THBS2: variants seen among roughly 807,000 people sequenced by gnomAD.
The protein encoded by THBS2 is thrombospondin 2.
A neutral mutation model predicts 135.2 loss-of-function variants in THBS2; 47 were observed. The observed-to-expected ratio is 0.35, with a 90% confidence interval of 0.28 to 0.44. The LOEUF is 0.44. Ranked by LOEUF, THBS2 falls within the 20% of genes least tolerant of loss-of-function variation. The pLI, the probability that THBS2 is intolerant of heterozygous loss-of-function variation, is 1.00. For missense variants in THBS2, 1,288 were observed against 1,603.1 expected, an observed-to-expected ratio of 0.80 and a Z score of 3.36; for synonymous variants, 639 against 633.8, an observed-to-expected ratio of 1.01 and a Z score of -0.12.
chr6:169,223,557 G>A (rs984707988), intron 17 of THBS2, 82 bp from the exon 18 acceptor site: 17 of 1,205,428 alleles, frequency 1.4e-5, no homozygotes, highest in Non-Finnish European at 1.7e-5. Context: ...TTGCTTTTCC[G>A]TGTCTGAGAA....
At chr6:169,235,192 AAG>A (rs1779991109) in intron 9 of THBS2, among the ~76,000 whole-genome samples, 1 of 152,062 alleles carries the variant, frequency 6.6e-6, no homozygotes. Context: ...TTTTTAATAA[AAG>A]AATTTTTTTA....
At chr6:169,222,676 T>C (rs548081224) in intron 18 of THBS2, among the ~76,000 whole-genome samples, 1 of 151,744 alleles carries the variant, frequency 6.6e-6, no homozygotes, top group South Asian at 2.1e-4. Flanking sequence ...GTACCTGTAA[T>C]CCCAGCTACT....
At chr6:169,250,645 C>T in intron 2 of THBS2, 88 bp downstream of exon 2, 2 of 1,268,134 alleles carry the variant, frequency 1.6e-6, no homozygotes, top group South Asian at 2.9e-5. Context: ...GATTGTCCAA[C>T]CACACACTTT....
At chr6:169,244,596 G>A (rs535751493) in intron 4 of THBS2, among the ~76,000 whole-genome samples, 20 of 104,682 alleles carry the variant, frequency 1.9e-4, no homozygotes, top group East Asian at 1.7e-3. Context: ...AAATACACAC[G>A]CACGCACACA....
intron 21 of THBS2, among the ~76,000 whole-genome samples, chr6:169,218,670 C>T (rs568242009): frequency 8.1e-4 from 53 of 65,158 alleles, no homozygotes; most frequent in African/African-American, 3.1e-3. Context: ...GATGGATGGG[C>T]GGATGAGTAG....
At chr6:169,237,490 C>A in intron 8 of THBS2, 135 bp downstream of exon 8, 1 of 1,499,230 alleles carries the variant, frequency 6.7e-7, no homozygotes, top group East Asian at 2.3e-5. Context: ...GGAGAAAGAG[C>A]CTCACCTGGC....
intron 3 of THBS2, among the ~76,000 whole-genome samples, chr6:169,247,736 A>C (rs1780601385): frequency 6.6e-6 from 1 of 151,882 alleles, no homozygotes; most frequent in African/African-American, 2.4e-5. Flanking sequence ...ATGTGCATGC[A>C]TGAGTGTGTT....
chr6:169,252,642 C>G lies in THBS2; in HGVS notation c.-23+1082G>C, dbSNP rs1780793654. Among the ~76,000 whole-genome samples, 1 of 152,162 alleles carries G rather than the reference C, an allele frequency of 6.6e-6. No homozygotes were observed. Among genetic ancestry groups the G allele is most frequent in the Non-Finnish European group, 1.5e-5 (1 of 68,030 alleles). ...GTCAAAGGACAGTGAGGCTCCATCC[C>G]ACAGGAAGGATGAGCAGCCAGGCTA... On this transcript the variant is annotated intron_variant, in intron 1 of 21. Coordinates refer to ENST00000617924, the MANE Select transcript of THBS2 (RefSeq NM_003247.5). This position sits in a 1 kb window ranked among gnomAD's most constrained non-coding sequence, Gnocchi z 4.3.
rs1435996265 is a variant in THBS2 at position 169,248,948 on chromosome 6, G to A, written c.78C>T (p.Thr26=). The change falls in exon 3 of 22, where the codon ACC becomes ACT. Residue 26 remains threonine (T), a synonymous_variant. Coordinates refer to ENST00000617924, the MANE Select transcript of THBS2 (RefSeq NM_003247.5). Reference sequence around the variant, plus strand: ...TGTTGCTGATACTGAAAAGGTCGAAGGTCGTGTCTTTGTCCTGGTGACCAG... The same window carrying A: ...TGTTGCTGATACTGAAAAGGTCGAAAGTCGTGTCTTTGTCCTGGTGACCAG... ...TQAGHQDKDT[T]FDLFSISNIN... is the part of the protein sequence containing the mutation. 2 of 1,609,574 alleles carry A rather than the reference G, an allele frequency of 1.2e-6. No homozygotes were observed. The highest frequency in any genetic ancestry group is 2.7e-5 in the African/African-American group (2 of 74,860).
In THBS2 at chr6:169,216,865, T is replaced by G. The variant is rs1562350799; in HGVS notation, c.*957A>C. 1 of 152,212 alleles carries G rather than the reference T, an allele frequency of 6.6e-6. No homozygotes were observed. The highest frequency in any genetic ancestry group is 1.5e-5 in the Non-Finnish European group (1 of 68,038). The allele number at this position is 152,212 out of a possible 1,614,324, so 9.4% of individuals were successfully genotyped here. ...ATAACTGGAACCTTAATGAAATGTA[T>G]CATCAAATCAGGTAAAAGCAACTTG... is the stretch of plus-strand genomic sequence containing the variant. On this transcript the variant is annotated 3_prime_UTR_variant, in exon 22 of 22. Coordinates refer to ENST00000617924, the MANE Select transcript of THBS2 (RefSeq NM_003247.5).
At position 169,216,429 on chromosome 6, in the gene THBS2, C is replaced by T. The variant is rs1779174175; in HGVS notation, c.*1393G>A. 1 of 151,454 alleles carries T rather than the reference C, an allele frequency of 6.6e-6. No individual in the cohort carries two copies. The highest frequency in any genetic ancestry group is 2.4e-5 in the African/African-American group (1 of 41,152). 9.4% of individuals were successfully genotyped at this position (151,454 alleles called of 1,614,324 possible). Reference sequence around the variant, plus strand: ...TAAAGCAAAAAAACAAACCAACCAACAAAAAAAACAAAAACAAAAACAAAC... The same window carrying T: ...TAAAGCAAAAAAACAAACCAACCAATAAAAAAAACAAAAACAAAAACAAAC... On this transcript the variant is annotated 3_prime_UTR_variant, in exon 22 of 22. Transcript: ENST00000617924.
At position 169,232,918 on chromosome 6, in the gene THBS2, T is replaced by C. The variant is rs764192039; in HGVS notation, c.1751A>G (p.Asn584Ser). 8.2e-6 allele frequency: 13 copies of C among 1,586,332 alleles called. No homozygotes were observed. Among genetic ancestry groups the C allele is most frequent in the African/African-American group, 5.4e-5 (4 of 74,708 alleles). The change falls in exon 11 of 22, where the codon AAT becomes AGT. Residue 584 changes from asparagine (N) to serine (S), a missense_variant. Asn to Ser is a conservative substitution (Grantham distance 46). Coordinates refer to ENST00000617924, the MANE Select transcript of THBS2 (RefSeq NM_003247.5). ...GTCCAGGTCCTCACAGTGGGTGCCA[T>C]TGCCCAAGAAGCCCACAGGGCAGGA... ...CGSCPVGFLG[N>S]GTHCEDLDEC...
rs146997530 is a variant in THBS2, at chr6:169,229,458, G to C, written c.2259+114C>G. On this transcript the variant is annotated intron_variant, in intron 14 of 21. Transcript: ENST00000617924. ...CTTTGGGAACTGCCTATGCACAAAC[G>C]CTTGCAGGACAATGGCAGTTACGTT... 42 of 805,000 alleles carry C rather than the reference G, an allele frequency of 5.2e-5. No homozygotes were observed. In the African/African-American group the frequency reaches 5.8e-4, roughly 11 times the overall value. 49.9% of individuals were successfully genotyped at this position (805,000 alleles called of 1,614,324 possible).
intron 9 of THBS2, among the ~76,000 whole-genome samples, chr6:169,236,123 C>A (rs1443154918): frequency 1.6e-5 from 2 of 123,600 alleles, no homozygotes. Flanking sequence ...CACTCATTCC[C>A]CCTTAAACAC....
intron 14 of THBS2, among the ~76,000 whole-genome samples, chr6:169,229,167 G>A (rs1033356589): frequency 7.2e-5 from 11 of 152,130 alleles, no homozygotes; most frequent in African/African-American, 2.2e-4. Context: ...GCTGTTTTGT[G>A]TACAAATACA....
At chr6:169,246,957 T>C (rs923900602) in intron 3 of THBS2, among the ~76,000 whole-genome samples, 2 of 152,228 alleles carry the variant, frequency 1.3e-5, no homozygotes, top group Non-Finnish European at 2.9e-5. Context: ...CAAACATATT[T>C]TAACCAAAAT....
chr6:169,245,586 A>T (rs181894375), intron 4 of THBS2, among the ~76,000 whole-genome samples: 1 of 152,084 alleles, frequency 6.6e-6, no homozygotes, highest in Non-Finnish European at 1.5e-5. Context: ...AGGTCAGGAG[A>T]TCGAGACCAT....
intron 2 of THBS2, among the ~76,000 whole-genome samples, chr6:169,249,574 CA>C (rs1780685932): frequency 6.6e-6 from 1 of 152,212 alleles, no homozygotes; most frequent in Non-Finnish European, 1.5e-5. Context: ...GTTATGTCAG[CA>C]GGTTGTTATT....
At position 169,232,757 on chromosome 6, in the gene THBS2, A is replaced by T; in HGVS notation, c.1839T>A (p.Thr613=). ...STSKVPRCVN[T]QPGFHCLPCP... Reference sequence around the variant, plus strand: ...AGGGCAGGCAGTGGAAGCCAGGCTGAGTGTTGACACAGCGAGGCACCTTGC... The same window carrying T: ...AGGGCAGGCAGTGGAAGCCAGGCTGTGTGTTGACACAGCGAGGCACCTTGC... The change falls in exon 12 of 22, where the codon ACT becomes ACA. Residue 613 remains threonine, a synonymous_variant. Coordinates refer to ENST00000617924, the MANE Select transcript of THBS2 (RefSeq NM_003247.5). The T allele has an allele frequency of 6.2e-7, 1 of 1,613,962 alleles. No individual in the cohort carries two copies. Among genetic ancestry groups the T allele is most frequent in the Non-Finnish European group, 8.5e-7 (1 of 1,179,932 alleles).
Sources: gnomAD v4.1 joint callset for allele counts (sites outside exome capture counted in the v4.1 genomes callset) on GRCh38, gnomAD v4.1.1 for gene constraint, Gnocchi (gnomAD v3.1) non-coding constraint, MANE v1.5 for transcripts, NCBI Gene and HGNC (gene_info 2026-07-23, HGNC 2026-07-21) for gene names.